Variants in NUBPL observed in about 807,000 individuals in gnomAD.
The protein encoded by NUBPL is NUBP iron-sulfur cluster assembly factor, mitochondrial, also known as iron-sulfur cluster transfer protein NUBPL.
Under a neutral mutation model 45.7 loss-of-function variants are expected in NUBPL, and 31 were observed. That is an observed-to-expected ratio of 0.68 (90% CI 0.51 to 0.92). The LOEUF (loss-of-function observed/expected upper bound fraction) is 0.92, where lower values mean the gene tolerates loss of function less well. NUBPL is among the 40% of genes least tolerant of loss of function. NUBPL has a pLI of 0.00. For missense variants in NUBPL, 401 were observed against 398.7 expected, an observed-to-expected ratio of 1.01 and a Z score of -0.05; for synonymous variants, 144 against 140.9, an observed-to-expected ratio of 1.02 and a Z score of -0.15.
In NUBPL at chr14:31,561,438, T is replaced by A. The variant is rs2033271255; in HGVS notation, c.-2T>A. 7.1e-7 allele frequency: 1 copy of A among 1,403,934 alleles called. No individual in the cohort carries two copies. Among genetic ancestry groups the A allele is most frequent in the Non-Finnish European group, 9.4e-7 (1 of 1,068,420 alleles). The allele number at this position is 1,403,934 out of a possible 1,614,324, so 87.0% of individuals were successfully genotyped here. A position where few individuals can be genotyped will look rare whatever the true frequency, so the allele number is the denominator to read the frequency against. On this transcript the variant is annotated 5_prime_UTR_variant, in exon 1 of 11. Coordinates refer to ENST00000281081, the MANE Select transcript of NUBPL (RefSeq NM_025152.3). Reference sequence around the variant, plus strand: ...GCAGGGCTCACAGCAGCGTTCCGCGTCATGGGGATTTGGCAGCGTCTGCTG... The same window carrying A: ...GCAGGGCTCACAGCAGCGTTCCGCGACATGGGGATTTGGCAGCGTCTGCTG...
chr14:31,709,768 T>G (rs1354492037), intron 6 of NUBPL, among the ~76,000 whole-genome samples: 1 of 152,192 alleles, frequency 6.6e-6, no homozygotes, highest in Admixed American at 6.5e-5. Context: ...CCCCTACAGC[T>G]TGAAGGGGAC....
chr14:31,772,983 T>C (rs1261138456), intron 6 of NUBPL, among the ~76,000 whole-genome samples: 1 of 152,160 alleles, frequency 6.6e-6, no homozygotes, highest in Non-Finnish European at 1.5e-5. Context: ...TTATTATAAC[T>C]TGAATAATAT....
At chr14:31,834,338 G>A (rs2040242636) in intron 8 of NUBPL, among the ~76,000 whole-genome samples, 1 of 151,894 alleles carries the variant, frequency 6.6e-6, no homozygotes, top group Admixed American at 6.6e-5. Context: ...CTGCCACCAT[G>A]CCTGGCTAAT....
At chr14:31,636,937 T>A (rs1466320551) in intron 4 of NUBPL, among the ~76,000 whole-genome samples, 1 of 152,208 alleles carries the variant, frequency 6.6e-6, no homozygotes, top group South Asian at 2.1e-4. Context: ...AGTGGTGATA[T>A]CCCATTTATC....
intron 6 of NUBPL, among the ~76,000 whole-genome samples, chr14:31,733,444 A>G (rs1397063697): frequency 2.6e-5 from 4 of 152,174 alleles, no homozygotes; most frequent in Admixed American, 2.0e-4. Context: ...TGCCATCCTA[A>G]CAGTGTCGAG....
At chr14:31,580,529 A>G (rs541697770) in intron 3 of NUBPL, among the ~76,000 whole-genome samples, 14 of 152,164 alleles carry the variant, frequency 9.2e-5, no homozygotes, top group Admixed American at 2.0e-4. Flanking sequence ...GAGGCAGATC[A>G]CTTGAGCCCA....
At position 31,562,137 on chromosome 14, in the gene NUBPL, C is replaced by G; in HGVS notation, c.178C>G (p.Gln60Glu). ...AATCATGTCCCGAGGACTTCCAAAG[C>G]AGAAACCGATAGAAGGTGTTAAACA... ...TQIMSRGLPKQKPIEGVKQVI... is the reference protein window; with the variant it reads ...TQIMSRGLPKEKPIEGVKQVI... Residue 60 changes from glutamine to glutamate, a missense_variant, in exon 2 of 11, where the codon CAG becomes GAG. Physicochemically the swap from Gln to Glu is conservative, Grantham distance 29. Coordinates refer to ENST00000281081, the MANE Select transcript of NUBPL (RefSeq NM_025152.3). 1 of 1,613,880 alleles carries G rather than the reference C, an allele frequency of 6.2e-7. No homozygotes were observed. Among genetic ancestry groups the G allele is most frequent in the East Asian group, 2.2e-5 (1 of 44,858 alleles).
chr14:31,725,785 C>A (rs1328734030), intron 6 of NUBPL, among the ~76,000 whole-genome samples: 4 of 144,230 alleles, frequency 2.8e-5, no homozygotes, highest in African/African-American at 5.3e-5. Flanking sequence ...TCTTGGCTCA[C>A]TACAATCTCC....
At chr14:31,814,787 A>G (rs2039882548) in intron 7 of NUBPL, among the ~76,000 whole-genome samples, 1 of 152,184 alleles carries the variant, frequency 6.6e-6, no homozygotes, top group Admixed American at 6.5e-5. Context: ...CACTTATTAA[A>G]TAGGGAATCC....
intron 4 of NUBPL, among the ~76,000 whole-genome samples, chr14:31,650,203 G>A (rs2035962240): frequency 1.3e-5 from 2 of 151,736 alleles, no homozygotes; most frequent in African/African-American, 4.8e-5. Context: ...GAATTAGTTT[G>A]TATTGATATA....
At chr14:31,758,235 G>C (rs2038717613) in intron 6 of NUBPL, among the ~76,000 whole-genome samples, 1 of 152,006 alleles carries the variant, frequency 6.6e-6, no homozygotes, top group Admixed American at 6.6e-5. Context: ...GGCAAATATG[G>C]TACTCAATGT....
chr14:31,710,037 C>A (rs1043408456), intron 6 of NUBPL, among the ~76,000 whole-genome samples: 6 of 152,112 alleles, frequency 3.9e-5, no homozygotes, highest in Non-Finnish European at 7.3e-5. Context: ...CAGAAAAGGT[C>A]AAGCTGCAGG....
intron 8 of NUBPL, among the ~76,000 whole-genome samples, chr14:31,839,151 C>T (rs1595698174): frequency 1.3e-5 from 2 of 152,130 alleles, no homozygotes; most frequent in South Asian, 4.2e-4. Flanking sequence ...GCTTTATTAC[C>T]ATTCTTCTCA....
intron 7 of NUBPL, among the ~76,000 whole-genome samples, chr14:31,801,621 T>C (rs1295532851): frequency 1.3e-5 from 2 of 152,178 alleles, no homozygotes; most frequent in Non-Finnish European, 2.9e-5. Flanking sequence ...GCATATTTTG[T>C]GTAATGGGGA....
At chr14:31,749,351 G>T (rs528766117) in intron 6 of NUBPL, among the ~76,000 whole-genome samples, 32 of 152,258 alleles carry the variant, frequency 2.1e-4, no homozygotes, top group African/African-American at 7.5e-4. Flanking sequence ...TTTGCTTCCA[G>T]ATGAAGGATG....
chr14:31,634,151 T>C (rs1421471916), intron 4 of NUBPL, among the ~76,000 whole-genome samples: 1 of 151,838 alleles, frequency 6.6e-6, no homozygotes, highest in African/African-American at 2.4e-5. Context: ...GTTAGTTACA[T>C]ATGTATACAT....
intron 4 of NUBPL, among the ~76,000 whole-genome samples, chr14:31,636,771 T>C (rs1439715913): frequency 2.6e-5 from 4 of 152,320 alleles, no homozygotes; most frequent in African/African-American, 4.8e-5. Context: ...TTTCAGAGCC[T>C]GTTATTGGTC....
chr14:31,857,929 G>A (rs187924989), intron 10 of NUBPL, among the ~76,000 whole-genome samples: 12 of 152,190 alleles, frequency 7.9e-5, no homozygotes, highest in African/African-American at 2.6e-4. Context: ...CCACATTTTC[G>A]GGTATCTTTT....
chr14:31,724,783 C>G (rs1420798520), intron 6 of NUBPL, among the ~76,000 whole-genome samples: 3 of 152,068 alleles, frequency 2.0e-5, no homozygotes, highest in Non-Finnish European at 2.9e-5. Context: ...CAGAAACAAA[C>G]AGATAAATGA....
Sources: gnomAD v4.1 joint callset for allele counts (sites outside exome capture counted in the v4.1 genomes callset) on GRCh38, gnomAD v4.1.1 for gene constraint, MANE v1.5 for transcripts, NCBI Gene and HGNC (gene_info 2026-07-23, HGNC 2026-07-21) for gene names.